The following ANO10 variants were observed in gnomAD, a reference collection of about 807,000 sequenced individuals.
ANO10 encodes anoctamin 10, also known as anoctamin-10.
A neutral mutation model predicts 74.7 loss-of-function variants in ANO10; 77 were observed. That is an observed-to-expected ratio of 1.03 (90% CI 0.86 to 1.25). The LOEUF is 1.25. Ranked by LOEUF, ANO10 falls within the 50% of genes most tolerant of loss-of-function variation. ANO10 has a pLI of 0.00. For missense variants in ANO10, 721 were observed against 778.1 expected (o/e 0.93, Z 0.87); for synonymous variants, 279 against 284.9 (o/e 0.98, Z 0.21).
intron 11 of ANO10, among the ~76,000 whole-genome samples, chr3:43,456,322 C>A (rs941053612): frequency 2.0e-5 from 3 of 152,160 alleles, no homozygotes; most frequent in African/African-American, 7.2e-5. Flanking sequence ...ATACTGATGG[C>A]ACTGAGTTTT....
At chr3:43,485,178 G>A in intron 11 of ANO10, 2 of 715,722 alleles carry the variant, frequency 2.8e-6, no homozygotes, top group Non-Finnish European at 5.0e-6. Context: ...CTGGGTGACA[G>A]CGCCTGCGGT....
chr3:43,690,934 G>A (rs1575595708), intron 1 of ANO10: 2 of 1,528,164 alleles, frequency 1.3e-6, no homozygotes, highest in South Asian at 2.4e-5. Context: ...GCCCGGGGCG[G>A]CCCAGTCGGC....
chr3:43,449,684 C>T (rs1389573883), intron 11 of ANO10, among the ~76,000 whole-genome samples: 1 of 152,098 alleles, frequency 6.6e-6, no homozygotes, highest in Non-Finnish European at 1.5e-5. Flanking sequence ...ACAATGTCTT[C>T]ATTACTGTAG....
chr3:43,553,126 G>A (rs1025610850), intron 10 of ANO10, among the ~76,000 whole-genome samples: 1 of 152,010 alleles, frequency 6.6e-6, no homozygotes, highest in Non-Finnish European at 1.5e-5. Flanking sequence ...TTAAGGACCT[G>A]AAAAATATTT....
At chr3:43,675,412 G>A (rs1352805321) in intron 1 of ANO10, among the ~76,000 whole-genome samples, 1 of 152,070 alleles carries the variant, frequency 6.6e-6, no homozygotes, top group African/African-American at 2.4e-5. Context: ...AACTTTTACT[G>A]TGCAAAAGTA....
At chr3:43,383,271 G>A (rs979136256) in intron 12 of ANO10, among the ~76,000 whole-genome samples, 1 of 152,066 alleles carries the variant, frequency 6.6e-6, no homozygotes, top group Admixed American at 6.6e-5. Context: ...GGCTAACATG[G>A]TGAAACACTG....
At chr3:43,371,805 T>G (rs2091621930) in intron 12 of ANO10, among the ~76,000 whole-genome samples, 1 of 152,042 alleles carries the variant, frequency 6.6e-6, no homozygotes, top group African/African-American at 2.4e-5. Flanking sequence ...GCCTGACAAT[T>G]CAGACAAAAA....
In ANO10 at chr3:43,410,716, G is replaced by T. The variant is rs2092651233; in HGVS notation, c.1914+21895C>A. Among the ~76,000 whole-genome samples the T allele has an allele frequency of 2.0e-5, 3 of 152,236 alleles. No homozygotes were observed. The South Asian group carries it at 6.2e-4, about 32-fold the overall frequency. The stretch of plus-strand genomic sequence containing the variant: ...AGGGTGCAATTTATGTAACTAGCAA[G>T]AAGTTAACATTACCAAGTCCATTCC... On this transcript the variant is annotated intron_variant, in intron 12 of 12. Coordinates refer to ENST00000292246, the MANE Select transcript of ANO10 (RefSeq NM_018075.5).
In ANO10 at chr3:43,366,994, C is replaced by T. The variant is rs768832226; in HGVS notation, c.1915-20G>A. On this transcript the variant is annotated intron_variant, in intron 12 of 12. Coordinates refer to ENST00000292246, the MANE Select transcript of ANO10 (RefSeq NM_018075.5). ...CATTTGCTGTTAAGAGAAAACAGGA[C>T]ACCAGGTGAGCCACAGAAGCCTAAG... The T allele has an allele frequency of 1.9e-6, 3 of 1,586,752 alleles. No homozygotes were observed. The highest frequency in any genetic ancestry group is 1.3e-5 in the African/African-American group (1 of 74,748).
intron 1 of ANO10, among the ~76,000 whole-genome samples, chr3:43,612,032 C>T (rs906571450): frequency 1.3e-5 from 2 of 151,062 alleles, no homozygotes; most frequent in African/African-American, 4.9e-5. Flanking sequence ...TGATTCTCTC[C>T]CTACCTCTAG....
chr3:43,551,332 G>A (rs2079446936), intron 10 of ANO10: 1 of 334,360 alleles, frequency 3.0e-6, no homozygotes, highest in Non-Finnish European at 5.9e-6. Context: ...GACAGTGCCT[G>A]GCTTCCTGAA....
At chr3:43,587,195 TC>T (rs1326269248) in intron 4 of ANO10, among the ~76,000 whole-genome samples, 1 of 152,128 alleles carries the variant, frequency 6.6e-6, no homozygotes, top group African/African-American at 2.4e-5. Context: ...CATTCAAACT[TC>T]CTGATACCTC....
At chr3:43,582,311 G>T (rs2081297328) in intron 4 of ANO10, among the ~76,000 whole-genome samples, 2 of 152,108 alleles carry the variant, frequency 1.3e-5, no homozygotes, top group Admixed American at 6.5e-5. Flanking sequence ...AATTAGCCGG[G>T]CGTGGTGGCG....
intron 12 of ANO10, among the ~76,000 whole-genome samples, chr3:43,413,332 T>C (rs1024303394): frequency 7.2e-5 from 11 of 152,136 alleles, no homozygotes; most frequent in African/African-American, 2.7e-4. Flanking sequence ...TTATGTTGAA[T>C]TGTAATCCTG....
chr3:43,645,798 A>G (rs2149565821), intron 1 of ANO10, among the ~76,000 whole-genome samples: 1 of 152,208 alleles, frequency 6.6e-6, no homozygotes, highest in Admixed American at 6.5e-5. Flanking sequence ...TTATTTAAGT[A>G]TCTCTGCCTG....
intron 12 of ANO10, among the ~76,000 whole-genome samples, chr3:43,416,064 C>T (rs1233661079): frequency 2.0e-5 from 3 of 150,766 alleles, no homozygotes; most frequent in African/African-American, 7.3e-5. Flanking sequence ...TATCTCTAAT[C>T]AAAACAATAT....
intron 1 of ANO10, among the ~76,000 whole-genome samples, chr3:43,689,773 G>C (rs1476656143): frequency 1.3e-5 from 2 of 152,044 alleles, no homozygotes; most frequent in African/African-American, 4.8e-5. Context: ...AAAGAGGGAG[G>C]AGAGTCAGGG....
chr3:43,637,360 C>T (rs943465044), intron 1 of ANO10, among the ~76,000 whole-genome samples: 2 of 151,738 alleles, frequency 1.3e-5, no homozygotes, highest in Admixed American at 6.6e-5. Flanking sequence ...CCCAGCCACT[C>T]GGGAGATTGA....
rs2092745076 is a variant in ANO10 at position 43,416,785 on chromosome 3, C to T, written c.1914+15826G>A. ...CACAGGATCCCCCATCCATTCCCAG[C>T]CTCTTAATCCAACCAAGTTTAGAGA... On this transcript the variant is annotated intron_variant, in intron 12 of 12. Coordinates refer to ENST00000292246, the MANE Select transcript of ANO10 (RefSeq NM_018075.5). 2.0e-5 allele frequency among the ~76,000 whole-genome samples: 3 copies of T among 152,206 alleles called. No homozygotes were observed. In the South Asian group the frequency reaches 6.2e-4, roughly 31 times the overall value.
Sources: allele counts gnomAD v4.1 joint callset (sites outside exome capture counted in the v4.1 genomes callset), GRCh38; gene constraint gnomAD v4.1.1; transcripts MANE v1.5; gene names NCBI Gene and HGNC (gene_info 2026-07-23, HGNC 2026-07-21).